EEIG1: variants seen among roughly 807,000 people sequenced by gnomAD.
EEIG1 encodes the protein estrogen-induced osteoclastogenesis regulator 1.
At chr9:127,950,322 G>T in the EEIG1 span, 13 of 1,193,776 alleles carry the variant, frequency 1.1e-5, no homozygotes, top group South Asian at 5.3e-5. Context: ...TTCAGGTAAG[G>T]CCTGTATTTT....
chr9:127,970,804 C>T, the EEIG1 span, among the ~76,000 whole-genome samples: 1 of 152,224 alleles, frequency 6.6e-6, no homozygotes, highest in African/African-American at 2.4e-5. Context: ...TCGCCCTTGC[C>T]GTGCCTCTGC....
At chr9:127,949,008 A>G in the EEIG1 span, among the ~76,000 whole-genome samples, 1 of 152,198 alleles carries the variant, frequency 6.6e-6, no homozygotes, top group Non-Finnish European at 1.5e-5. Context: ...CACTTATGAA[A>G]GGGTGACCAC....
the EEIG1 span, among the ~76,000 whole-genome samples, chr9:127,954,696 T>C: frequency 6.6e-6 from 1 of 152,120 alleles, no homozygotes; most frequent in Non-Finnish European, 1.5e-5. Context: ...GACCCTCACC[T>C]GAGGCCCACC....
At chr9:127,951,796 G>A in the EEIG1 span, among the ~76,000 whole-genome samples, 4 of 130,812 alleles carry the variant, frequency 3.1e-5, no homozygotes, top group African/African-American at 5.8e-5. Flanking sequence ...CAGCCTGGGC[G>A]ACAGCGAGAC....
At chr9:127,957,291 C>T in the EEIG1 span, among the ~76,000 whole-genome samples, 1 of 149,690 alleles carries the variant, frequency 6.7e-6, no homozygotes, top group Non-Finnish European at 1.5e-5. Flanking sequence ...TTGCAGGATA[C>T]AAGATCAATA....
the EEIG1 span, among the ~76,000 whole-genome samples, chr9:127,959,022 G>C: frequency 6.6e-6 from 1 of 152,186 alleles, no homozygotes; most frequent in East Asian, 1.9e-4. Flanking sequence ...GCGAAGATGT[G>C]GAGAAAGTGG....
the EEIG1 span, chr9:127,942,930 G>A: frequency 2.1e-4 from 111 of 520,104 alleles, no homozygotes; most frequent in African/African-American, 1.9e-3. Flanking sequence ...GCACGGGCCC[G>A]CCTGGCCTGC....
the EEIG1 span, among the ~76,000 whole-genome samples, chr9:127,949,109 C>T: frequency 2.6e-5 from 4 of 151,908 alleles, 1 homozygote; most frequent in Admixed American, 2.0e-4. Flanking sequence ...AGGTCAGGGG[C>T]TCGAGACCAT....
chr9:127,969,149 G>A, the EEIG1 span, among the ~76,000 whole-genome samples: 6 of 152,298 alleles, frequency 3.9e-5, no homozygotes, highest in South Asian at 4.1e-4. Flanking sequence ...TCAAATGCCC[G>A]TCGGCAAAGA....
chr9:127,946,269 T>C, the EEIG1 span, among the ~76,000 whole-genome samples: 1 of 152,246 alleles, frequency 6.6e-6, no homozygotes, highest in African/African-American at 2.4e-5. Context: ...AGGGACATGG[T>C]GAGGGCGAGC....
chr9:127,956,452 C>T, the EEIG1 span, among the ~76,000 whole-genome samples: 179 of 152,190 alleles, frequency 1.2e-3, 2 homozygotes, highest in African/African-American at 4.0e-3. Flanking sequence ...CTCTCGTTGC[C>T]CAGGCTGGAG....
chr9:127,975,038 C>A, the EEIG1 span, among the ~76,000 whole-genome samples: 1 of 152,248 alleles, frequency 6.6e-6, no homozygotes, highest in Admixed American at 6.5e-5. Context: ...TGCCTGTGAG[C>A]AGGCCTCCCC....
chr9:127,948,172 T>G, the EEIG1 span: 1 of 1,614,074 alleles, frequency 6.2e-7, no homozygotes, highest in Admixed American at 1.7e-5. Flanking sequence ...ACACGTCAGC[T>G]GCAGGGAGGA....
chr9:127,962,769 C>T, the EEIG1 span, among the ~76,000 whole-genome samples: 2 of 152,240 alleles, frequency 1.3e-5, no homozygotes, highest in South Asian at 4.2e-4. Flanking sequence ...TGACTCATGC[C>T]TGTAATCCCA....
At chr9:127,953,054 TAGG>T in the EEIG1 span, among the ~76,000 whole-genome samples, 7 of 151,968 alleles carry the variant, frequency 4.6e-5, no homozygotes, top group Non-Finnish European at 5.9e-5. Flanking sequence ...TGTTTGAACC[TAGG>T]AGGAGAAGGT....
At chr9:127,948,134 T>G in the EEIG1 span, 1 of 1,613,760 alleles carries the variant, frequency 6.2e-7, no homozygotes, top group Non-Finnish European at 8.5e-7. Flanking sequence ...TTGGTGCTGC[T>G]GCCCCCACTG....
the EEIG1 span, among the ~76,000 whole-genome samples, chr9:127,952,726 A>T: frequency 2.6e-5 from 4 of 152,118 alleles, no homozygotes; most frequent in Non-Finnish European, 5.9e-5. Context: ...TTATTTATTT[A>T]TCTGGAGGCA....
At chr9:127,961,114 G>T in the EEIG1 span, among the ~76,000 whole-genome samples, 5 of 152,318 alleles carry the variant, frequency 3.3e-5, no homozygotes, top group Admixed American at 3.3e-4. Context: ...GAAATGCTGC[G>T]TAACTCATCT....
chr9:127,961,748 G>T, the EEIG1 span, among the ~76,000 whole-genome samples: 1 of 151,788 alleles, frequency 6.6e-6, no homozygotes, highest in Non-Finnish European at 1.5e-5. Context: ...TGACATCTAA[G>T]CAAAGACTGA....
Sources: allele counts gnomAD v4.1 joint callset (sites outside exome capture counted in the v4.1 genomes callset), GRCh38; gene constraint gnomAD v4.1.1; transcripts MANE v1.5; gene names NCBI Gene and HGNC (gene_info 2026-07-23, HGNC 2026-07-21).